Variants in LRRFIP1 observed in about 807,000 individuals in gnomAD.
LRRFIP1 encodes leucine-rich repeat flightless-interacting protein 1.
A neutral mutation model predicts 104.4 loss-of-function variants in LRRFIP1; 62 were observed. The observed-to-expected ratio is 0.59, with a 90% CI of 0.48 to 0.73. The LOEUF is 0.73. LRRFIP1 is among the 30% of genes least tolerant of loss of function. The pLI is 0.00. For synonymous variants in LRRFIP1, 300 were observed against 299.0 expected (o/e 1.00, Z -0.03); for missense variants, 796 against 824.5 (o/e 0.97, Z 0.42).
rs1041138651 is a variant in LRRFIP1, at chr2:237,679,842, G to A, written c.97-28702G>A. 5.3e-5 allele frequency among the ~76,000 whole-genome samples: 8 copies of A among 151,216 alleles called. No homozygotes were observed. The East Asian group carries it at 1.1e-3, about 20-fold the overall frequency. Reference sequence around the variant, plus strand: ...AGGCTGGTCTCAAACTCCTGACCTCGGGTGATCCACCCGCCTCGGCCTCCC... The same window carrying A: ...AGGCTGGTCTCAAACTCCTGACCTCAGGTGATCCACCCGCCTCGGCCTCCC... On this transcript the variant is annotated intron_variant, in intron 1 of 23. Coordinates refer to ENST00000308482, the MANE Select transcript of LRRFIP1 (RefSeq NM_001137550.2).
At chr2:237,685,759 A>G (rs2092320857) in intron 1 of LRRFIP1, among the ~76,000 whole-genome samples, 1 of 152,146 alleles carries the variant, frequency 6.6e-6, no homozygotes, top group Admixed American at 6.5e-5. Context: ...CAGCCTCCAG[A>G]CAGGCTCACA....
intron 8 of LRRFIP1, among the ~76,000 whole-genome samples, chr2:237,729,305 T>C (rs7570394): frequency 0.13 from 19,276 of 152,246 alleles, 2,802 homozygotes; most frequent in African/African-American, 0.36. Flanking sequence ...GGATAAGGGC[T>C]CTCCAGTGGA....
intron 22 of LRRFIP1, chr2:237,774,033 A>G (rs1297191918): frequency 3.8e-6 from 1 of 259,878 alleles, no homozygotes; most frequent in Non-Finnish European, 7.4e-6. Flanking sequence ...GTCCCTTACC[A>G]GCACCATTCT....
intron 1 of LRRFIP1, among the ~76,000 whole-genome samples, chr2:237,632,429 G>T (rs1329305432): frequency 6.6e-6 from 1 of 152,164 alleles, no homozygotes; most frequent in African/African-American, 2.4e-5. Context: ...TGACTGGCCT[G>T]CCCCCCTCAT....
chr2:237,765,713 A>AT, intron 19 of LRRFIP1: 1 of 937,654 alleles, frequency 1.1e-6, no homozygotes, highest in Non-Finnish European at 1.3e-6. Context: ...TTTTAAAATA[A>AT]TTGTAAAGTT....
chr2:237,744,408 A>G (rs886833444), intron 11 of LRRFIP1, among the ~76,000 whole-genome samples: 1 of 150,358 alleles, frequency 6.7e-6, no homozygotes, highest in South Asian at 2.1e-4. Flanking sequence ...CTCTCTGGGT[A>G]CGTGAACAGG....
At chr2:237,702,742 C>T (rs1256427981) in intron 1 of LRRFIP1, among the ~76,000 whole-genome samples, 1 of 152,118 alleles carries the variant, frequency 6.6e-6, no homozygotes, top group Non-Finnish European at 1.5e-5. Flanking sequence ...CGGCAGGGGC[C>T]CTTATCTTGA....
chr2:237,753,529 C>A, intron 15 of LRRFIP1, 50 bp downstream of exon 15: 3 of 1,450,392 alleles, frequency 2.1e-6, no homozygotes, highest in Non-Finnish European at 2.7e-6. Context: ...CGTGCAGTGG[C>A]CCATGCCTGT....
At chr2:237,664,356 T>C (rs1036691860) in intron 1 of LRRFIP1, among the ~76,000 whole-genome samples, 1 of 152,260 alleles carries the variant, frequency 6.6e-6, no homozygotes, top group African/African-American at 2.4e-5. Context: ...TGCTGGTTGC[T>C]GGTATTCAGT....
At chr2:237,720,245 C>T (rs1480391506) in intron 5 of LRRFIP1, among the ~76,000 whole-genome samples, 1 of 151,300 alleles carries the variant, frequency 6.6e-6, no homozygotes, top group Non-Finnish European at 1.5e-5. Flanking sequence ...CCGTGCCTGG[C>T]CCTGAAATTA....
At chr2:237,705,341 T>C (rs1004554618) in intron 1 of LRRFIP1, among the ~76,000 whole-genome samples, 6 of 152,306 alleles carry the variant, frequency 3.9e-5, no homozygotes, top group African/African-American at 1.2e-4. Flanking sequence ...CACACAGTTA[T>C]GATCTCACAG....
rs1371274775 is a variant in LRRFIP1, at chr2:237,691,203, A to C, written c.97-17341A>C. Among the ~76,000 whole-genome samples the C allele has an allele frequency of 6.6e-6, 1 of 152,222 alleles. No individual in the cohort carries two copies. The highest frequency in any genetic ancestry group is 1.5e-5 in the Non-Finnish European group (1 of 68,028). On this transcript the variant is annotated intron_variant, in intron 1 of 23. Transcript: ENST00000308482. This position sits in a 1 kb window ranked among gnomAD's most constrained non-coding sequence, Gnocchi z 5.4. ...TTACATTTCCTGGCGTGGCCAGGACAGGCTGACCTTCCGATTACAATCCGC... is the reference window on the plus strand; with the variant it reads ...TTACATTTCCTGGCGTGGCCAGGACCGGCTGACCTTCCGATTACAATCCGC...
chr2:237,681,841 G>T lies in LRRFIP1; in HGVS notation c.97-26703G>T, dbSNP rs184823726. On this transcript the variant is annotated intron_variant, in intron 1 of 23. Coordinates refer to ENST00000308482, the MANE Select transcript of LRRFIP1 (RefSeq NM_001137550.2). ...ACTACAGGCGCCCGCCACTACGCCC[G>T]GCTAATTTTTTGTATTTTTAGTAGA... is the stretch of plus-strand genomic sequence containing the variant. Among the ~76,000 whole-genome samples the T allele has an allele frequency of 1.7e-3, 244 of 147,722 alleles. 2 individuals are homozygous for T. Among genetic ancestry groups the T allele is most frequent in the Non-Finnish European group, 3.0e-3 (202 of 67,112 alleles).
At chr2:237,774,556 C>A in intron 23 of LRRFIP1, 94 bp downstream of exon 23, 1 of 817,744 alleles carries the variant, frequency 1.2e-6, no homozygotes, top group Non-Finnish European at 2.0e-6. Context: ...TGACATCTGC[C>A]CCTGGGCTGG....
chr2:237,775,584 C>A (rs1319182593), intron 23 of LRRFIP1, among the ~76,000 whole-genome samples: 1 of 152,230 alleles, frequency 6.6e-6, no homozygotes, highest in African/African-American at 2.4e-5. Context: ...ATAATCCCAG[C>A]ACTTTGGGAG....
intron 3 of LRRFIP1, among the ~76,000 whole-genome samples, chr2:237,714,608 A>G (rs890642316): frequency 1.3e-5 from 2 of 152,258 alleles, no homozygotes; most frequent in African/African-American, 4.8e-5. Context: ...GAAATTATGT[A>G]TGGAAAGAAA....
chr2:237,729,732 G>C (rs148802744), intron 8 of LRRFIP1: 5 of 936,148 alleles, frequency 5.3e-6, no homozygotes, highest in Non-Finnish European at 5.1e-6. Flanking sequence ...TTTTGGAGTC[G>C]TAAGGAAGTG....
Position 237,733,950 on chromosome 2 carries a change from C to T in LRRFIP1, c.489+132C>T. ...AAGTTGCACCTTCACGTGGAGCTTA[C>T]ATGTGCCAGTGGGGAATGTCTGTCC... is the stretch of plus-strand genomic sequence containing the variant. On this transcript the variant is annotated intron_variant, in intron 9 of 23. Coordinates refer to ENST00000308482, the MANE Select transcript of LRRFIP1 (RefSeq NM_001137550.2). 4 of 911,608 alleles carry T rather than the reference C, an allele frequency of 4.4e-6. No homozygotes were observed. In the South Asian group the frequency reaches 5.9e-5, roughly 13 times the overall value. The allele number at this position is 911,608 out of a possible 1,614,324, so 56.5% of individuals were successfully genotyped here. A position where few individuals can be genotyped will look rare whatever the true frequency, so the allele number is the denominator to read the frequency against.
intron 10 of LRRFIP1, among the ~76,000 whole-genome samples, chr2:237,738,716 A>G (rs1217704520): frequency 1.3e-5 from 2 of 152,238 alleles, no homozygotes; most frequent in African/African-American, 4.8e-5. Context: ...CATAGCAACC[A>G]CCCAGGTAGA....
Sources: allele counts gnomAD v4.1 joint callset (sites outside exome capture counted in the v4.1 genomes callset), GRCh38; gene constraint gnomAD v4.1.1; non-coding constraint Gnocchi (gnomAD v3.1); transcripts MANE v1.5; gene names NCBI Gene and HGNC (gene_info 2026-07-23, HGNC 2026-07-21).